ASXL2: variants seen among roughly 807,000 people sequenced by gnomAD.
ASXL2 encodes the protein putative Polycomb group protein ASXL2.
Under a neutral mutation model 122.0 loss-of-function variants are expected in ASXL2, and 23 were observed. That is an observed-to-expected ratio of 0.19 (90% CI 0.14 to 0.27). ASXL2 has a LOEUF of 0.27. Among genes scored for constraint, ASXL2 ranks in the 10% least tolerant of loss-of-function variants. The pLI, the probability that ASXL2 is intolerant of heterozygous loss-of-function variation, is 1.00. For missense variants in ASXL2, 1,518 were observed against 1,713.8 expected (o/e 0.89, Z 2.02); for synonymous variants, 650 against 637.0 (o/e 1.02, Z -0.31).
At chr2:25,746,857 C>T (rs2087951295) in intron 12 of ASXL2, among the ~76,000 whole-genome samples, 1 of 152,110 alleles carries the variant, frequency 6.6e-6, no homozygotes, top group Non-Finnish European at 1.5e-5. Flanking sequence ...AGAAGCCCTA[C>T]CCCGGGAGAG....
chr2:25,777,466 C>T (rs1475422496), intron 5 of ASXL2, among the ~76,000 whole-genome samples: 1 of 151,782 alleles, frequency 6.6e-6, no homozygotes, highest in East Asian at 1.9e-4. Flanking sequence ...ATAATGAAAC[C>T]CTGTCTCTAG....
At chr2:25,748,705 A>G (rs2087984522) in intron 12 of ASXL2, among the ~76,000 whole-genome samples, 1 of 152,234 alleles carries the variant, frequency 6.6e-6, no homozygotes, top group Admixed American at 6.5e-5. Context: ...GGTAAGAAAA[A>G]TAAACACTAT....
chr2:25,830,625 CAAAAAAAA>C (rs755161150), intron 3 of ASXL2, among the ~76,000 whole-genome samples: 1 of 81,668 alleles, frequency 1.2e-5, no homozygotes, highest in Non-Finnish European at 2.7e-5. Context: ...GACTCTGCCT[CAAAAAAAA>C]AAAAAAAAAT....
rs150891053 is a variant in ASXL2 at position 25,868,811 on chromosome 2, T to A, written c.57+9355A>T. ...TAGGAGGCCAATAGGAGAGGACTGCTTGAGCCCAGGAATTCAAGACCAGCA... is the reference window on the plus strand; with the variant it reads ...TAGGAGGCCAATAGGAGAGGACTGCATGAGCCCAGGAATTCAAGACCAGCA... On this transcript the variant is annotated intron_variant, in intron 1 of 12. Coordinates refer to ENST00000435504, the MANE Select transcript of ASXL2 (RefSeq NM_018263.6). Among the ~76,000 whole-genome samples the A allele has an allele frequency of 3.5e-4, 54 of 152,280 alleles. No homozygotes were observed. In the East Asian group the frequency reaches 0.01, roughly 28 times the overall value.
At chr2:25,828,839 A>AAC (rs1422263833) in intron 3 of ASXL2, among the ~76,000 whole-genome samples, 1 of 151,294 alleles carries the variant, frequency 6.6e-6, no homozygotes, top group African/African-American at 2.4e-5. Context: ...AAAAAAAAAA[A>AAC]AAAAAAAAAC....
Position 25,738,328 on chromosome 2 carries a change from TTC to T in ASXL2, c.*3699_*3700del, listed in dbSNP as rs779525834. ...ACTTTAGGAAATGTTTTACCTACTG[TTC>T]TCTTTCAATAGGTTTGTAGGTATTG... On this transcript the variant is annotated 3_prime_UTR_variant, in exon 13 of 13. Coordinates refer to ENST00000435504, the MANE Select transcript of ASXL2 (RefSeq NM_018263.6). 1 of 152,324 alleles carries T rather than the reference TTC, an allele frequency of 6.6e-6. No individual in the cohort carries two copies. The highest frequency in any genetic ancestry group is 1.9e-4 in the East Asian group (1 of 5,190). 9.4% of individuals were successfully genotyped at this position (152,324 alleles called of 1,614,324 possible). A position where few individuals can be genotyped will look rare whatever the true frequency, so the allele number is the denominator to read the frequency against.
intron 9 of ASXL2, 60 bp from the exon 10 acceptor site, chr2:25,756,174 T>C (rs1342861713): frequency 3.0e-6 from 3 of 992,142 alleles, no homozygotes; most frequent in Non-Finnish European, 2.9e-6. Context: ...TCACGTCGTA[T>C]TTGACCTTCC....
intron 5 of ASXL2, among the ~76,000 whole-genome samples, chr2:25,787,366 C>T (rs2088764776): frequency 6.6e-6 from 1 of 152,216 alleles, no homozygotes; most frequent in African/African-American, 2.4e-5. Flanking sequence ...GAATAGGATA[C>T]ACCTGGGCCT....
At chr2:25,872,938 T>C (rs2089974008) in intron 1 of ASXL2, among the ~76,000 whole-genome samples, 1 of 152,090 alleles carries the variant, frequency 6.6e-6, no homozygotes, top group Non-Finnish European at 1.5e-5. Flanking sequence ...GTAAGTTCTT[T>C]TTTTGTTTTT....
rs575122126 is a variant in ASXL2, at chr2:25,811,011, G to A, written c.144-4674C>T. ...GGAGGCTGAGGCGGGTGGATCTCTT[G>A]AGTCTAGTCTGAGCAACCCCTGTCT... On this transcript the variant is annotated intron_variant, in intron 3 of 12. Coordinates refer to ENST00000435504, the MANE Select transcript of ASXL2 (RefSeq NM_018263.6). 3.3e-5 allele frequency among the ~76,000 whole-genome samples: 5 copies of A among 150,908 alleles called. No individual in the cohort carries two copies. In the East Asian group the frequency reaches 9.7e-4, roughly 29 times the overall value.
intron 4 of ASXL2, among the ~76,000 whole-genome samples, chr2:25,800,455 G>A (rs185592028): frequency 2.6e-5 from 4 of 152,136 alleles, no homozygotes; most frequent in African/African-American, 9.7e-5. Flanking sequence ...TGGTTAGTAA[G>A]TAGCAAGAAT....
At chr2:25,851,905 G>A (rs1017136644) in intron 1 of ASXL2, among the ~76,000 whole-genome samples, 3 of 151,470 alleles carry the variant, frequency 2.0e-5, no homozygotes, top group African/African-American at 7.3e-5. Flanking sequence ...ACCAAAAAAA[G>A]AAAGAAAATG....
At chr2:25,832,251 T>TA (rs2149187105) in intron 3 of ASXL2, among the ~76,000 whole-genome samples, 1 of 152,346 alleles carries the variant, frequency 6.6e-6, no homozygotes, top group South Asian at 2.1e-4. Flanking sequence ...TAAATGGAAG[T>TA]ACGGTTTCCA....
intron 1 of ASXL2, among the ~76,000 whole-genome samples, chr2:25,867,236 T>A (rs1250613452): frequency 2.0e-5 from 3 of 150,648 alleles, no homozygotes; most frequent in African/African-American, 7.3e-5. Context: ...AGGTTCTATC[T>A]AAAAAAAAAT....
At chr2:25,756,617 A>G (rs1220583830) in intron 9 of ASXL2, among the ~76,000 whole-genome samples, 1 of 152,226 alleles carries the variant, frequency 6.6e-6, no homozygotes, top group Non-Finnish European at 1.5e-5. Context: ...TTCCAAACGT[A>G]TGTGGGTTGA....
intron 8 of ASXL2, among the ~76,000 whole-genome samples, chr2:25,763,620 G>T (rs1449368582): frequency 1.3e-5 from 2 of 152,142 alleles, no homozygotes. Flanking sequence ...AGTAAATTTT[G>T]AGTAATAGTA....
chr2:25,753,696 CTATT>C, intron 10 of ASXL2, 57 bp from the exon 11 acceptor site: 1 of 1,302,220 alleles, frequency 7.7e-7, no homozygotes, highest in Non-Finnish European at 1.1e-6. Flanking sequence ...CAACATGTAA[CTATT>C]TATAAATCAT....
intron 3 of ASXL2, among the ~76,000 whole-genome samples, chr2:25,828,626 C>T (rs1279256444): frequency 6.6e-6 from 1 of 151,434 alleles, no homozygotes; most frequent in South Asian, 2.1e-4. Context: ...GAGTTTGAGA[C>T]CAGCTTGGCT....
chr2:25,776,315 T>C (rs1411466957), intron 5 of ASXL2, among the ~76,000 whole-genome samples: 1 of 152,222 alleles, frequency 6.6e-6, no homozygotes, highest in Non-Finnish European at 1.5e-5. Flanking sequence ...TTTTGAAGGC[T>C]CATCCATGTT....
Sources: gnomAD v4.1 joint callset for allele counts (sites outside exome capture counted in the v4.1 genomes callset) on GRCh38, gnomAD v4.1.1 for gene constraint, MANE v1.5 for transcripts, NCBI Gene and HGNC (gene_info 2026-07-23, HGNC 2026-07-21) for gene names.